The following WWP2 variants were observed in gnomAD, a reference collection of about 807,000 sequenced individuals.
WWP2 encodes the protein WW domain containing E3 ubiquitin protein ligase 2, also known as NEDD4-like E3 ubiquitin-protein ligase WWP2.
A neutral mutation model predicts 121.0 loss-of-function variants in WWP2; 57 were observed. That is an observed-to-expected ratio of 0.47 (90% CI 0.38 to 0.59). The LOEUF is 0.59. Among genes scored for constraint, WWP2 ranks in the 20% least tolerant of loss-of-function variants. The pLI, the probability that WWP2 is intolerant of heterozygous loss-of-function variation, is 0.00. For synonymous variants in WWP2, 449 were observed against 441.3 expected (o/e 1.02, Z -0.22); for missense variants, 962 against 1,158.9 (o/e 0.83, Z 2.47).
intron 6 of WWP2, among the ~76,000 whole-genome samples, chr16:69,842,559 T>C (rs1179763294): frequency 1.3e-5 from 2 of 152,202 alleles, no homozygotes; most frequent in Non-Finnish European, 2.9e-5. Flanking sequence ...AGCTCCCACT[T>C]ATAAATGAGA....
chr16:69,770,912 C>T (rs1241438337), intron 1 of WWP2, among the ~76,000 whole-genome samples: 2 of 150,288 alleles, frequency 1.3e-5, no homozygotes, highest in Non-Finnish European at 1.5e-5. Flanking sequence ...GTAGGAGGAT[C>T]GCTTGAGCCC....
At chr16:69,809,088 G>A (rs541712283) in intron 4 of WWP2, among the ~76,000 whole-genome samples, 12 of 152,314 alleles carry the variant, frequency 7.9e-5, no homozygotes, top group African/African-American at 2.9e-4. Flanking sequence ...TTGTGGTATT[G>A]GTTGTAGCTA....
chr16:69,824,123 C>T (rs957235722), intron 4 of WWP2, among the ~76,000 whole-genome samples: 2 of 152,248 alleles, frequency 1.3e-5, no homozygotes, highest in African/African-American at 4.8e-5. Flanking sequence ...GTCATTCGGG[C>T]GGCTTCCGCC....
At position 69,939,784 on chromosome 16, in the gene WWP2, G is replaced by A. The variant is rs571150223; in HGVS notation, c.2514-57G>A. On this transcript the variant is annotated intron_variant, in intron 23 of 23. Transcript: ENST00000359154. ...GCCCTGCTGCAGGCAGGCATGGTGGGGCTATCAGAGCCCTGGCCTCCTAGG... is the reference window on the plus strand; with the variant it reads ...GCCCTGCTGCAGGCAGGCATGGTGGAGCTATCAGAGCCCTGGCCTCCTAGG... The A allele has an allele frequency of 5.3e-6, 8 of 1,509,448 alleles. No individual in the cohort carries two copies. In the East Asian group the frequency reaches 1.8e-4, roughly 35 times the overall value. The allele number at this position is 1,509,448 out of a possible 1,614,324, so 93.5% of individuals were successfully genotyped here. A position where few individuals can be genotyped will look rare whatever the true frequency, so the allele number is the denominator to read the frequency against.
chr16:69,830,778 G>A (rs772322100), intron 4 of WWP2, among the ~76,000 whole-genome samples: 12 of 152,220 alleles, frequency 7.9e-5, no homozygotes, highest in Non-Finnish European at 1.6e-4. Flanking sequence ...CATCGTAACA[G>A]TAAATCCTGG....
At chr16:69,909,021 G>C (rs1597145071) in intron 9 of WWP2, 171 bp downstream of exon 9, 1 of 1,400,042 alleles carries the variant, frequency 7.1e-7, no homozygotes, top group Non-Finnish European at 9.3e-7. Flanking sequence ...CCATGTCTTA[G>C]GACATATTAG....
intron 7 of WWP2, among the ~76,000 whole-genome samples, chr16:69,873,579 C>T (rs2057681934): frequency 1.3e-5 from 2 of 152,222 alleles, no homozygotes; most frequent in African/African-American, 4.8e-5. Context: ...CCTGGCCTTC[C>T]TGTCTGTGTG....
At chr16:69,910,872 G>C (rs1039838774) in intron 9 of WWP2, among the ~76,000 whole-genome samples, 3 of 152,164 alleles carry the variant, frequency 2.0e-5, no homozygotes, top group Non-Finnish European at 2.9e-5. Context: ...TAATCAAGCT[G>C]TCTTATTTCA....
rs1317900129 is a variant in WWP2 at position 69,937,065 on chromosome 16, C to T, written c.2118-53C>T. ...ACGGCCACGCGGCCTGGCCGGGAGC[C>T]ACCCCTGAGCAGTGGGTCTCAGACT... On this transcript the variant is annotated intron_variant, in intron 19 of 23. Transcript: ENST00000359154. The surrounding 1 kb of genome is among the most constrained non-coding windows in gnomAD (Gnocchi z 6.6). The T allele has an allele frequency of 2.5e-6, 4 of 1,592,192 alleles. No homozygotes were observed. The highest frequency in any genetic ancestry group is 2.3e-5 in the East Asian group (1 of 44,332).
chr16:69,841,364 G>A (rs1232102250), intron 5 of WWP2, among the ~76,000 whole-genome samples: 1 of 152,208 alleles, frequency 6.6e-6, no homozygotes, highest in Non-Finnish European at 1.5e-5. Context: ...AGGAAGCTGA[G>A]ACTTGGAGGA....
At chr16:69,916,130 A>G (rs902093349) in intron 9 of WWP2, among the ~76,000 whole-genome samples, 1 of 152,144 alleles carries the variant, frequency 6.6e-6, no homozygotes, top group Admixed American at 6.5e-5. Context: ...GATTTTTGTG[A>G]GCCTTGTGTA....
chr16:69,781,663 C>T (rs970336687), intron 1 of WWP2, among the ~76,000 whole-genome samples: 2 of 151,994 alleles, frequency 1.3e-5, no homozygotes, highest in African/African-American at 4.8e-5. Context: ...TAGACGGTGT[C>T]TTAGTTCATT....
chr16:69,811,631 G>A (rs1174713774), intron 4 of WWP2, among the ~76,000 whole-genome samples: 1 of 151,710 alleles, frequency 6.6e-6, no homozygotes, highest in Non-Finnish European at 1.5e-5. Context: ...GCATGCAACG[G>A]TAGTCCCAGC....
chr16:69,808,997 C>G (rs1440140033), intron 4 of WWP2, among the ~76,000 whole-genome samples: 3 of 152,176 alleles, frequency 2.0e-5, no homozygotes, highest in African/African-American at 4.8e-5. Flanking sequence ...TTACTGTGCT[C>G]TGATCGTTTG....
chr16:69,847,766 C>T (rs967451605), intron 6 of WWP2, among the ~76,000 whole-genome samples: 29 of 152,138 alleles, frequency 1.9e-4, no homozygotes, highest in Non-Finnish European at 1.2e-4. Flanking sequence ...CACTCACCCC[C>T]ATGAGAGGAC....
chr16:69,928,861 G>C (rs1233048747), intron 11 of WWP2, among the ~76,000 whole-genome samples: 1 of 152,236 alleles, frequency 6.6e-6, no homozygotes, highest in African/African-American at 2.4e-5. Context: ...CAGGGTATGA[G>C]AGTTTTAGAA....
chr16:69,792,469 C>T (rs1360956212), intron 2 of WWP2, among the ~76,000 whole-genome samples: 5 of 152,172 alleles, frequency 3.3e-5, no homozygotes, highest in Admixed American at 6.6e-5. Flanking sequence ...AGATATATTT[C>T]ATGAAAGAGA....
At chr16:69,830,619 G>A (rs2056777210) in intron 4 of WWP2, among the ~76,000 whole-genome samples, 1 of 152,188 alleles carries the variant, frequency 6.6e-6, no homozygotes, top group Admixed American at 6.5e-5. Flanking sequence ...GACCCTGCCA[G>A]AGTGTGAGTG....
intron 6 of WWP2, among the ~76,000 whole-genome samples, chr16:69,856,915 G>A (rs979331206): frequency 3.8e-4 from 57 of 151,680 alleles, no homozygotes; most frequent in African/African-American, 1.2e-3. Flanking sequence ...AACCTATTTG[G>A]TACTTATATT....
Sources: gnomAD v4.1 joint callset for allele counts (sites outside exome capture counted in the v4.1 genomes callset) on GRCh38, gnomAD v4.1.1 for gene constraint, Gnocchi (gnomAD v3.1) non-coding constraint, MANE v1.5 for transcripts, NCBI Gene and HGNC (gene_info 2026-07-23, HGNC 2026-07-21) for gene names.